The following RBFOX3 variants were observed in gnomAD, a reference collection of about 807,000 sequenced individuals.
The protein encoded by RBFOX3 is RNA binding fox-1 homolog 3.
RBFOX3 carries 17 observed loss-of-function variants against 48.7 expected under a neutral mutation model. The observed-to-expected ratio is 0.35, with a 90% confidence interval of 0.24 to 0.52. The LOEUF (loss-of-function observed/expected upper bound fraction) is 0.52. Ranked by LOEUF, RBFOX3 falls within the 20% of genes least tolerant of loss-of-function variation. The pLI, the probability that RBFOX3 is intolerant of heterozygous loss-of-function variation, is 0.94. For synonymous variants in RBFOX3, 212 were observed against 209.5 expected (o/e 1.01, Z -0.10); for missense variants, 382 against 497.5 (o/e 0.77, Z 2.21).
intron 2 of RBFOX3, among the ~76,000 whole-genome samples, chr17:79,348,571 C>CTTTTTTTT (rs71358701): frequency 2.7e-5 from 2 of 75,144 alleles, no homozygotes; most frequent in Non-Finnish European, 4.6e-5. Flanking sequence ...TTTTCTTTTC[C>CTTTTTTTT]TTTTTTTTTT....
intron 2 of RBFOX3, among the ~76,000 whole-genome samples, chr17:79,354,246 C>T (rs372530223): frequency 2.0e-5 from 3 of 152,284 alleles, no homozygotes; most frequent in East Asian, 1.9e-4. Flanking sequence ...TGTGTAAAGA[C>T]GCAGGCCCAC....
intron 1 of RBFOX3, among the ~76,000 whole-genome samples, chr17:79,496,935 C>T (rs1189642317): frequency 1.3e-5 from 2 of 152,170 alleles, no homozygotes; most frequent in African/African-American, 2.4e-5. Flanking sequence ...TGTGTGGAGC[C>T]GATGACCTTT....
At chr17:79,450,446 G>A (rs888461911) in intron 2 of RBFOX3, among the ~76,000 whole-genome samples, 1 of 152,232 alleles carries the variant, frequency 6.6e-6, no homozygotes, top group African/African-American at 2.4e-5. Flanking sequence ...CCCCATCGGA[G>A]CCATCCTGGG....
At chr17:79,449,212 G>A (rs551361968) in intron 2 of RBFOX3, among the ~76,000 whole-genome samples, 14 of 151,992 alleles carry the variant, frequency 9.2e-5, no homozygotes, top group Non-Finnish European at 2.1e-4. Flanking sequence ...GTTTTTTTCA[G>A]CTTCTATGAA....
chr17:79,210,804 C>T (rs2058278059), intron 4 of RBFOX3, among the ~76,000 whole-genome samples: 1 of 152,124 alleles, frequency 6.6e-6, no homozygotes, highest in African/African-American at 2.4e-5. Flanking sequence ...AGCTCCCAAA[C>T]ACAATGAGGG....
intron 3 of RBFOX3, among the ~76,000 whole-genome samples, chr17:79,248,940 C>T (rs1163299153): frequency 6.6e-6 from 1 of 152,254 alleles, no homozygotes; most frequent in Non-Finnish European, 1.5e-5. Flanking sequence ...CATCCACTGC[C>T]TCTTCTGTGG....
intron 1 of RBFOX3, among the ~76,000 whole-genome samples, chr17:79,530,810 T>C (rs2087631228): frequency 2.0e-5 from 3 of 152,192 alleles, no homozygotes; most frequent in Admixed American, 6.5e-5. Context: ...TCCGGGAGCT[T>C]CCAGAGCAGC....
intron 1 of RBFOX3, among the ~76,000 whole-genome samples, chr17:79,510,336 G>A (rs1285399578): frequency 2.6e-5 from 4 of 152,166 alleles, no homozygotes; most frequent in African/African-American, 4.8e-5. Context: ...GACCCGCTGC[G>A]CACCCACCGC....
chr17:79,135,658 G>T (rs1336899965), intron 4 of RBFOX3, among the ~76,000 whole-genome samples: 1 of 152,188 alleles, frequency 6.6e-6, no homozygotes, highest in Non-Finnish European at 1.5e-5. Flanking sequence ...CCCCATACAG[G>T]ATCTCTGTGG....
chr17:79,519,868 C>T, intron 1 of RBFOX3, among the ~76,000 whole-genome samples: 1 of 152,146 alleles, frequency 6.6e-6, no homozygotes, highest in East Asian at 1.9e-4. Flanking sequence ...TGCGAGAGGA[C>T]CAGCAGAGCT....
intron 1 of RBFOX3, among the ~76,000 whole-genome samples, chr17:79,605,333 G>T (rs1217380413): frequency 2.0e-5 from 3 of 152,182 alleles, no homozygotes; most frequent in African/African-American, 7.2e-5. Flanking sequence ...GGGCTGGCTG[G>T]TGGCAGCTTT....
intron 2 of RBFOX3, among the ~76,000 whole-genome samples, chr17:79,340,150 T>A (rs2081833319): frequency 6.6e-6 from 1 of 151,928 alleles, no homozygotes; most frequent in African/African-American, 2.4e-5. Context: ...AATACAAAAA[T>A]TAGCCAGGTG....
rs1052785096 is a variant in RBFOX3, at chr17:79,502,828, G to A, written c.-319-20230C>T. Among the ~76,000 whole-genome samples, 15 of 152,314 alleles carry A rather than the reference G, an allele frequency of 9.8e-5. No homozygotes were observed. In the South Asian group the frequency reaches 1.0e-3, roughly 11 times the overall value. The stretch of plus-strand genomic sequence containing the variant: ...CCCGGCCTCCCCACTCCCTGTCCAC[G>A]GGGTTCCAGCAGGCTTGCAAGGAGG... On this transcript the variant is annotated intron_variant, in intron 1 of 14. Coordinates refer to ENST00000693108, the MANE Select transcript of RBFOX3 (RefSeq NM_001350451.2).
At chr17:79,190,711 G>C (rs1429496866) in intron 4 of RBFOX3, among the ~76,000 whole-genome samples, 3 of 152,202 alleles carry the variant, frequency 2.0e-5, no homozygotes, top group Admixed American at 6.5e-5. Flanking sequence ...TATTCAAAGG[G>C]TGAAGGCTTT....
intron 3 of RBFOX3, among the ~76,000 whole-genome samples, chr17:79,295,139 T>A (rs1057099049): frequency 2.0e-5 from 3 of 152,168 alleles, no homozygotes; most frequent in Non-Finnish European, 4.4e-5. Flanking sequence ...GATTTGGGAA[T>A]CTTCTCAGAG....
intron 4 of RBFOX3, among the ~76,000 whole-genome samples, chr17:79,172,498 C>T (rs2049559474): frequency 6.6e-6 from 1 of 152,166 alleles, no homozygotes; most frequent in Non-Finnish European, 1.5e-5. Flanking sequence ...CTGGTGCTCC[C>T]CATGTTCTAG....
chr17:79,191,108 G>A (rs1024164938), intron 4 of RBFOX3, among the ~76,000 whole-genome samples: 8 of 152,218 alleles, frequency 5.3e-5, no homozygotes, highest in Non-Finnish European at 8.8e-5. Context: ...CTGGGTAGAG[G>A]CAGCAAGGGT....
intron 1 of RBFOX3, among the ~76,000 whole-genome samples, chr17:79,552,584 G>A (rs2091257417): frequency 6.6e-6 from 1 of 152,154 alleles, no homozygotes; most frequent in Non-Finnish European, 1.5e-5. Context: ...AGGGCCTGGT[G>A]TATGGAAAGC....
chr17:79,154,146 C>A (rs2045237087), intron 4 of RBFOX3, among the ~76,000 whole-genome samples: 1 of 152,018 alleles, frequency 6.6e-6, no homozygotes, highest in Non-Finnish European at 1.5e-5. Flanking sequence ...CCCGCCCCAC[C>A]TGGCTGGCTC....
Sources: gnomAD v4.1 joint callset for allele counts (sites outside exome capture counted in the v4.1 genomes callset) on GRCh38, gnomAD v4.1.1 for gene constraint, MANE v1.5 for transcripts, NCBI Gene and HGNC (gene_info 2026-07-23, HGNC 2026-07-21) for gene names.